The following MIA2 variants were observed in gnomAD, a reference collection of about 807,000 sequenced individuals.
The protein encoded by MIA2 is MIA SH3 domain ER export factor 2, also known as melanoma inhibitory activity protein 2.
A neutral mutation model predicts 167.8 loss-of-function variants in MIA2; 127 were observed. The observed-to-expected ratio is 0.76, with a 90% CI of 0.66 to 0.88. MIA2 has a LOEUF of 0.88. MIA2 is among the 40% of genes least tolerant of loss of function. MIA2 has a pLI of 0.00. For synonymous variants in MIA2, 552 were observed against 541.9 expected, an observed-to-expected ratio of 1.02 and a Z score of -0.26; for missense variants, 1,690 against 1,624.7, an observed-to-expected ratio of 1.04 and a Z score of -0.69.
At chr14:39,256,888 C>G (rs1229265523) in intron 6 of MIA2, among the ~76,000 whole-genome samples, 5 of 152,082 alleles carry the variant, frequency 3.3e-5, no homozygotes, top group Non-Finnish European at 5.9e-5. Context: ...AGAAAGAAAA[C>G]TTATCTGAGC....
chr14:39,259,929 A>C (rs946384428), intron 6 of MIA2, among the ~76,000 whole-genome samples: 1 of 151,862 alleles, frequency 6.6e-6, no homozygotes, highest in Non-Finnish European at 1.5e-5. Flanking sequence ...TCATTGTTCA[A>C]TTCCCACCTA....
intron 6 of MIA2, chr14:39,265,867 G>C: frequency 4.2e-6 from 2 of 474,778 alleles, no homozygotes; most frequent in South Asian, 1.7e-4. Context: ...TAACACGTAT[G>C]AAAGTTGTGT....
intron 6 of MIA2, chr14:39,266,343 C>T (rs1477870245): frequency 1.0e-6 from 1 of 985,330 alleles, no homozygotes; most frequent in Non-Finnish European, 1.2e-6. Context: ...GCACTTTATT[C>T]GACGGTCCTA....
At chr14:39,372,172 T>A (rs965228092) in intron 23 of MIA2, among the ~76,000 whole-genome samples, 1 of 131,056 alleles carries the variant, frequency 7.6e-6, no homozygotes, top group African/African-American at 4.5e-5. Context: ...AATGGAGTAC[T>A]GTGTAGGCAG....
chr14:39,349,576 A>G (rs1196269896), intron 28 of MIA2, among the ~76,000 whole-genome samples: 1 of 152,218 alleles, frequency 6.6e-6, no homozygotes, highest in African/African-American at 2.4e-5. Context: ...GGCTTTGCCT[A>G]TGAATGTCTC....
downstream of MIA2, among the ~76,000 whole-genome samples, chr14:39,354,084 A>G (rs2074461261): frequency 6.6e-6 from 1 of 152,210 alleles, no homozygotes; most frequent in Admixed American, 6.5e-5. Flanking sequence ...ATACCCAGTA[A>G]TGGGATGGCT....
chr14:39,385,946 T>G, intron 23 of MIA2: 1 of 823,590 alleles, frequency 1.2e-6, no homozygotes, highest in East Asian at 2.4e-5. Context: ...AGAGACACAC[T>G]GAGAGGAGGA....
chr14:39,360,922 A>G (rs569292335), intron 23 of MIA2, among the ~76,000 whole-genome samples: 153 of 152,222 alleles, frequency 1.0e-3, no homozygotes, highest in African/African-American at 3.5e-3. Flanking sequence ...CTTTCCTCCA[A>G]TGTATGTTCT....
rs117183561 is a variant in MIA2, at chr14:39,304,526, C to T, written c.2878+145C>T. On this transcript the variant is annotated intron_variant, in intron 17 of 28. Transcript: ENST00000640607. ...TTGTTCCTGTTGGGTATTTGTGAAA[C>T]ATTAGTCCTGGTTTTTGTTGTCATT... 173 of 462,652 alleles carry T rather than the reference C, an allele frequency of 3.7e-4. No homozygotes were observed. The East Asian group carries it at 6.3e-3, about 17-fold the overall frequency. The allele number at this position is 462,652 out of a possible 1,614,324, so 28.7% of individuals were successfully genotyped here. A position where few individuals can be genotyped will look rare whatever the true frequency, so the allele number is the denominator to read the frequency against.
chr14:39,371,799 T>C (rs2074952391), intron 23 of MIA2, among the ~76,000 whole-genome samples: 1 of 152,230 alleles, frequency 6.6e-6, no homozygotes, highest in South Asian at 2.1e-4. Flanking sequence ...ACTTAAATTA[T>C]ATTATGAAAA....
At chr14:39,267,469 C>T in intron 6 of MIA2, 2 of 1,612,924 alleles carry the variant, frequency 1.2e-6, no homozygotes, top group East Asian at 2.2e-5. Flanking sequence ...TATGGAGGAG[C>T]CCGGGGTTAC....
intron 25 of MIA2, among the ~76,000 whole-genome samples, chr14:39,327,546 A>AACTT (rs1364873177): frequency 2.0e-5 from 3 of 152,088 alleles, no homozygotes; most frequent in African/African-American, 7.2e-5. Context: ...AATATCTTGA[A>AACTT]ATAAGATAAT....
rs116936509 is a variant in MIA2 at position 39,337,368 on chromosome 14, A to G, written c.3656-8536A>G. ...TTCAACACCCCTCTCTCGGCAATTG[A>G]TGGAACAACTGAAGAGAAAATTCAG... On this transcript the variant is annotated intron_variant, in intron 25 of 28. Coordinates refer to ENST00000640607, the MANE Select transcript of MIA2 (RefSeq NM_001329214.4). 8.8e-3 allele frequency among the ~76,000 whole-genome samples: 1,346 copies of G among 152,314 alleles called. 8 individuals carry two copies. Among genetic ancestry groups the G allele is most frequent in the Non-Finnish European group, 0.013 (896 of 68,036 alleles).
At chr14:39,365,653 ATC>A (rs2074804953) in intron 23 of MIA2, among the ~76,000 whole-genome samples, 1 of 1,970 alleles carries the variant, frequency 5.1e-4, no homozygotes, top group African/African-American at 5.8e-3. Context: ...AAAAATACCT[ATC>A]TATCTATCTA....
intron 6 of MIA2, among the ~76,000 whole-genome samples, chr14:39,258,256 C>G (rs1244693439): frequency 6.6e-6 from 1 of 152,122 alleles, no homozygotes; most frequent in Non-Finnish European, 1.5e-5. Flanking sequence ...CAAATAGTCC[C>G]ATATTTCTTG....
Position 39,247,192 on chromosome 14 carries a change from G to T in MIA2, c.618G>T (p.Gln206His), listed in dbSNP as rs776189847. ...WEEVVVESME[Q>H]DRIPEVHVPP... ...AAGTAGTTGTTGAAAGTATGGAACA[G>T]GATCGTATTCCAGAAGTGCATGTCC... Residue 206 changes from glutamine (Q) to histidine (H), a missense_variant, in exon 4 of 29, where the codon CAG (glutamine) becomes CAT (histidine). Gln to His is a conservative substitution (Grantham distance 24, BLOSUM62 0). Coordinates refer to ENST00000640607, the MANE Select transcript of MIA2 (RefSeq NM_001329214.4). 27 of 1,614,024 alleles carry T rather than the reference G, an allele frequency of 1.7e-5. No homozygotes were observed. The South Asian group carries it at 3.0e-4, about 18-fold the overall frequency.
chr14:39,282,056 C>T, intron 9 of MIA2, among the ~76,000 whole-genome samples: 1 of 151,950 alleles, frequency 6.6e-6, no homozygotes, highest in Non-Finnish European at 1.5e-5. Context: ...CTCATTTTTT[C>T]TCTTGTTTCT....
intron 6 of MIA2, chr14:39,266,448 G>A (rs2055652957): frequency 1.0e-6 from 1 of 985,392 alleles, no homozygotes; most frequent in South Asian, 4.7e-5. Flanking sequence ...AGGTCCACGG[G>A]GATTTGATTT....
chr14:39,317,806 C>A (rs2065761533), intron 21 of MIA2, 138 bp from the exon 22 acceptor site: 2 of 495,628 alleles, frequency 4.0e-6, no homozygotes, highest in Non-Finnish European at 3.3e-6. Context: ...TTTCTTACTT[C>A]AGTGATTATG....
Sources: gnomAD v4.1 joint callset for allele counts (sites outside exome capture counted in the v4.1 genomes callset) on GRCh38, gnomAD v4.1.1 for gene constraint, MANE v1.5 for transcripts, NCBI Gene and HGNC (gene_info 2026-07-23, HGNC 2026-07-21) for gene names.